Variants in PTH observed in about 807,000 individuals in gnomAD.
The protein encoded by PTH is parathyroid hormone.
Under a neutral mutation model 7.4 loss-of-function variants are expected in PTH, and 7 were observed. The ratio of observed to expected loss-of-function variants is 0.94; its 90% CI spans 0.53 to 1.77. The LOEUF (loss-of-function observed/expected upper bound fraction) is 1.77. Ranked by LOEUF, PTH falls within the 40% of genes most tolerant of loss-of-function variation. The pLI, the probability that PTH is intolerant of heterozygous loss-of-function variation, is 0.00. For synonymous variants in PTH, 51 were observed against 46.6 expected (o/e 1.09, Z -0.39); for missense variants, 128 against 137.1 (o/e 0.93, Z 0.33).
chr11:13,492,891 A>G (rs780797097), intron 1 of PTH, 31 bp from the exon 2 acceptor site: 1 of 1,574,628 alleles, frequency 6.4e-7, no homozygotes, highest in African/African-American at 1.4e-5. Context: ...GAGGTATTTT[A>G]AAATATTTTT....
chr11:13,493,230 A>G (rs546113425), intron 1 of PTH, among the ~76,000 whole-genome samples: 2 of 152,108 alleles, frequency 1.3e-5, no homozygotes, highest in Non-Finnish European at 2.9e-5. Context: ...TTAAGCGGCA[A>G]CTACTCACCT....
At chr11:13,495,140 T>C (rs995973288) in intron 1 of PTH, among the ~76,000 whole-genome samples, 3 of 152,222 alleles carry the variant, frequency 2.0e-5, no homozygotes, top group Admixed American at 1.3e-4. Context: ...TGTTTGTAGC[T>C]TATTTCTTCA....
intron 2 of PTH, 51 bp from the exon 3 acceptor site, chr11:13,492,717 GA>G (rs1298484838): frequency 6.2e-7 from 1 of 1,613,814 alleles, no homozygotes; most frequent in South Asian, 1.1e-5. Context: ...TCCCCACTTC[GA>G]AATGATAAAG....
rs558107542 is a variant in PTH at position 13,492,172 on chromosome 11, T to C, written c.*233A>G. On this transcript the variant is annotated 3_prime_UTR_variant, in exon 3 of 3. Transcript: ENST00000282091. ...TTCTTTTATAAATTATGCAATAACA[T>C]ACTTTAAAAAGAATAAACAATAGAA... 36 of 509,082 alleles carry C rather than the reference T, an allele frequency of 7.1e-5. No homozygotes were observed. The highest frequency in any genetic ancestry group is 1.2e-4 in the Non-Finnish European group (35 of 298,452). 31.5% of individuals were successfully genotyped at this position (509,082 alleles called of 1,614,324 possible).
chr11:13,493,979 A>G (rs1254181489), intron 1 of PTH, among the ~76,000 whole-genome samples: 1 of 152,146 alleles, frequency 6.6e-6, no homozygotes, highest in Non-Finnish European at 1.5e-5. Flanking sequence ...ATCAATTGTC[A>G]CTGACCTTTT....
At chr11:13,492,693 C>T in intron 2 of PTH, 27 bp from the exon 3 acceptor site, 1 of 1,613,960 alleles carries the variant, frequency 6.2e-7, no homozygotes, top group East Asian at 2.2e-5. Flanking sequence ...CAGAGAGGGC[C>T]ACTTCCCATT....
chr11:13,495,105 G>A (rs1423175156), intron 1 of PTH, among the ~76,000 whole-genome samples: 3 of 152,036 alleles, frequency 2.0e-5, no homozygotes, highest in African/African-American at 4.8e-5. Context: ...TATGGATTTC[G>A]AGCTTTATCT....
intron 1 of PTH, among the ~76,000 whole-genome samples, chr11:13,495,492 A>G (rs1054541231): frequency 1.3e-5 from 2 of 152,184 alleles, no homozygotes; most frequent in African/African-American, 4.8e-5. Context: ...CATAAAATAA[A>G]TAATCTAGAT....
intron 1 of PTH, among the ~76,000 whole-genome samples, chr11:13,495,170 A>T (rs981856325): frequency 1.3e-5 from 2 of 152,206 alleles, no homozygotes; most frequent in African/African-American, 2.4e-5. Context: ...ATTAACAATT[A>T]TCTTTTAATA....
At chr11:13,492,743 C>T (rs529478063) in intron 2 of PTH, 27 bp downstream of exon 2, 5 of 1,613,896 alleles carry the variant, frequency 3.1e-6, no homozygotes, top group Non-Finnish European at 4.2e-6. Flanking sequence ...CATTAAAAAT[C>T]CAATTCCAAG....
intron 1 of PTH, among the ~76,000 whole-genome samples, chr11:13,494,378 G>C (rs1343264934): frequency 1.3e-5 from 2 of 152,020 alleles, no homozygotes; most frequent in Non-Finnish European, 2.9e-5. Context: ...TTAAAATTCA[G>C]AACCTCTGTG....
chr11:13,492,749 C>T, intron 2 of PTH, 21 bp downstream of exon 2: 2 of 1,613,866 alleles, frequency 1.2e-6, no homozygotes, highest in African/African-American at 2.7e-5. Flanking sequence ...AAATCCAATT[C>T]CAAGGCAAAA....
intron 1 of PTH, among the ~76,000 whole-genome samples, chr11:13,493,105 TTATTTTTA>T (rs963815207): frequency 4.7e-5 from 7 of 150,224 alleles, no homozygotes; most frequent in Admixed American, 3.9e-4. Context: ...ATTTATTTAT[TTATTTTTA>T]TTTATTTTTT....
rs918459464 is a variant in PTH, at chr11:13,492,321, A to G, written c.*84T>C. ...ATATCAGAAATATTGGCACTTGGAAATCTTAATAGAGCTTTGAATTAGCAG... is the reference window on the plus strand; with the variant it reads ...ATATCAGAAATATTGGCACTTGGAAGTCTTAATAGAGCTTTGAATTAGCAG... On this transcript the variant is annotated 3_prime_UTR_variant, in exon 3 of 3. Transcript: ENST00000282091. 45 of 1,552,976 alleles carry G rather than the reference A, an allele frequency of 2.9e-5. No homozygotes were observed. Among genetic ancestry groups the G allele is most frequent in the Non-Finnish European group, 3.7e-5 (42 of 1,141,806 alleles).
In PTH at chr11:13,492,548, C is replaced by T. The variant is rs780385257; in HGVS notation, c.205G>A (p.Gly69Arg). 5 of 1,613,988 alleles carry T rather than the reference C, an allele frequency of 3.1e-6. No homozygotes were observed. The African/African-American group carries it at 6.7e-5, about 22-fold the overall frequency. ...GCATCTCTGGGAGCTAGAGGAGCTC[C>T]AAGGGCAACAAAATTGTGCACATCC... ...LQDVHNFVAL[G>R]APLAPRDAGS... Residue 69 changes from glycine to arginine, a missense_variant, in exon 3 of 3, where the codon GGA (glycine) becomes AGA (arginine). Transcript: ENST00000282091.
At chr11:13,495,309 A>G (rs1023505657) in intron 1 of PTH, among the ~76,000 whole-genome samples, 2 of 152,192 alleles carry the variant, frequency 1.3e-5, no homozygotes, top group African/African-American at 4.8e-5. Flanking sequence ...ACCTTTTAAC[A>G]TACACATAGA....
chr11:13,494,244 G>A (rs1362667040), intron 1 of PTH, among the ~76,000 whole-genome samples: 1 of 152,102 alleles, frequency 6.6e-6, no homozygotes, highest in South Asian at 2.1e-4. Flanking sequence ...AACCCACGGA[G>A]GTCACCAGCC....
chr11:13,492,471 A>G lies in PTH; in HGVS notation c.282T>C (p.His94=), dbSNP rs1326987708. 3.7e-6 allele frequency: 6 copies of G among 1,613,984 alleles called. No individual in the cohort carries two copies. Among genetic ancestry groups the G allele is most frequent in the African/African-American group, 1.3e-5 (1 of 74,890 alleles). ...KKEDNVLVES[H]EKSLGEADKA... The stretch of plus-strand genomic sequence containing the variant: ...TGTCTGCCTCTCCAAGACTTTTTTC[A>G]TGGCTCTCAACCAAGACATTGTCTT... The change falls in exon 3 of 3, where the codon CAT becomes CAC. Residue 94 remains histidine, a synonymous_variant. Transcript: ENST00000282091.
In PTH at chr11:13,495,937, C is replaced by T. The variant is rs1847530383; in HGVS notation, c.-32G>A. On this transcript the variant is annotated 5_prime_UTR_variant, in exon 1 of 3. Coordinates refer to ENST00000282091, the MANE Select transcript of PTH (RefSeq NM_000315.4). The stretch of plus-strand genomic sequence containing the variant: ...ATACAATGTCTTAGAACAAGATCTT[C>T]GTTCAGGTATGTTAGTAGCTGATGC... The T allele has an allele frequency of 6.6e-6, 1 of 152,064 alleles. No homozygotes were observed. The highest frequency in any genetic ancestry group is 1.5e-5 in the Non-Finnish European group (1 of 67,994). 9.4% of individuals were successfully genotyped at this position (152,064 alleles called of 1,614,324 possible). A position where few individuals can be genotyped will look rare whatever the true frequency, so the allele number is the denominator to read the frequency against.
Sources: allele counts gnomAD v4.1 joint callset (sites outside exome capture counted in the v4.1 genomes callset), GRCh38; gene constraint gnomAD v4.1.1; transcripts MANE v1.5; gene names NCBI Gene and HGNC (gene_info 2026-07-23, HGNC 2026-07-21).